Variants in GLI2 observed in about 807,000 individuals in gnomAD.
GLI2 encodes transcription activator GLI2.
In GLI2, 22 loss-of-function variants were observed where a neutral mutation model predicts 78.9. That is an observed-to-expected ratio of 0.28 (90% CI 0.20 to 0.40). GLI2 has a LOEUF of 0.40. Among genes scored for constraint, GLI2 ranks in the 10% least tolerant of loss-of-function variants. The probability of loss-of-function intolerance (pLI) is 1.00; values close to 1 mark genes in which losing one functional copy is unlikely to be tolerated. For missense variants in GLI2, 2,097 were observed against 2,213.2 expected (o/e 0.95, Z 1.05); for synonymous variants, 974 against 963.7 (o/e 1.01, Z -0.20).
chr2:120,743,851 A>C (rs896923081), intron 1 of GLI2, among the ~76,000 whole-genome samples: 2 of 152,228 alleles, frequency 1.3e-5, no homozygotes, highest in African/African-American at 4.8e-5. Flanking sequence ...TCTAAGAGTC[A>C]AGACAGCGGG....
rs572464628 is a variant in GLI2 at position 120,875,709 on chromosome 2, G to A, written c.149-51652G>A. 7.2e-5 allele frequency among the ~76,000 whole-genome samples: 11 copies of A among 152,230 alleles called. No homozygotes were observed. In the South Asian group the frequency reaches 2.3e-3, roughly 32 times the overall value. ...CGGTCAGGCACGATCTAAACCCCAGGAGGATTCTAGTGGAATTCTCTAAGC... is the reference window on the plus strand; with the variant it reads ...CGGTCAGGCACGATCTAAACCCCAGAAGGATTCTAGTGGAATTCTCTAAGC... On this transcript the variant is annotated intron_variant, in intron 2 of 13. Transcript: ENST00000361492.
At chr2:120,791,895 G>A (rs1051101017) in intron 1 of GLI2, among the ~76,000 whole-genome samples, 8 of 152,184 alleles carry the variant, frequency 5.3e-5, no homozygotes, top group South Asian at 2.1e-4. Flanking sequence ...GTTTGTCGGC[G>A]TATGTTCTGT....
chr2:120,785,080 C>T (rs955663416), intron 1 of GLI2, among the ~76,000 whole-genome samples: 12 of 152,174 alleles, frequency 7.9e-5, no homozygotes, highest in African/African-American at 2.9e-4. Context: ...CTCCTTGAGC[C>T]GGCGCATGTC....
At chr2:120,854,447 G>C (rs1385082254) in intron 2 of GLI2, among the ~76,000 whole-genome samples, 1 of 152,196 alleles carries the variant, frequency 6.6e-6, no homozygotes, top group East Asian at 1.9e-4. Context: ...TGCTTCAAGG[G>C]GGGCTGCCCC....
At chr2:120,887,296 G>A (rs1046090904) in intron 2 of GLI2, among the ~76,000 whole-genome samples, 13 of 152,158 alleles carry the variant, frequency 8.5e-5, no homozygotes, top group East Asian at 1.9e-4. Flanking sequence ...CAGCTCAGGC[G>A]ACCTGGGAAT....
chr2:120,742,352 C>T (rs1227340699), intron 1 of GLI2, among the ~76,000 whole-genome samples: 3 of 152,128 alleles, frequency 2.0e-5, no homozygotes, highest in East Asian at 1.9e-4. Flanking sequence ...TCAGCAGACG[C>T]TTAGCAATGC....
chr2:120,835,385 C>T (rs865808747), intron 2 of GLI2, among the ~76,000 whole-genome samples: 50 of 132,378 alleles, frequency 3.8e-4, no homozygotes, highest in African/African-American at 1.4e-3. Flanking sequence ...AGGCACCAGA[C>T]TTTTTTTTTT....
chr2:120,859,814 T>C (rs1484113566), intron 2 of GLI2, among the ~76,000 whole-genome samples: 1 of 149,872 alleles, frequency 6.7e-6, no homozygotes, highest in African/African-American at 2.5e-5. Flanking sequence ...TGGAGCGCAA[T>C]GGCACAATCT....
intron 2 of GLI2, among the ~76,000 whole-genome samples, chr2:120,918,725 GCCA>G (rs1319346382): frequency 6.6e-6 from 1 of 152,230 alleles, no homozygotes; most frequent in Non-Finnish European, 1.5e-5. Flanking sequence ...ACAGGCGTGA[GCCA>G]CTGCGCCCAG....
intron 1 of GLI2, among the ~76,000 whole-genome samples, chr2:120,740,844 A>G (rs1048544937): frequency 2.6e-5 from 4 of 152,216 alleles, no homozygotes; most frequent in African/African-American, 4.8e-5. Flanking sequence ...CGAGGGCCCC[A>G]GGCCTCCTGC....
chr2:120,882,694 G>T (rs1246290256), intron 2 of GLI2, among the ~76,000 whole-genome samples: 5 of 152,158 alleles, frequency 3.3e-5, no homozygotes, highest in African/African-American at 1.2e-4. Context: ...GTCCCCTCTG[G>T]GTCCTGCTGG....
intron 1 of GLI2, among the ~76,000 whole-genome samples, chr2:120,769,172 G>A (rs72835529): frequency 0.024 from 3,588 of 152,290 alleles, 66 homozygotes; most frequent in Non-Finnish European, 0.037. Flanking sequence ...CCCACTTGGT[G>A]CCCAGCCTGG....
At chr2:120,949,051 C>T (rs900606828) in intron 3 of GLI2, among the ~76,000 whole-genome samples, 7 of 152,178 alleles carry the variant, frequency 4.6e-5, no homozygotes, top group Admixed American at 3.9e-4. Flanking sequence ...TGTCTCAGAG[C>T]CTTCTCTTCA....
rs574386590 is a variant in GLI2, at chr2:120,779,425, C to T, written c.-30-17866C>T. Among the ~76,000 whole-genome samples, 10 of 152,312 alleles carry T rather than the reference C, an allele frequency of 6.6e-5. No homozygotes were observed. In the South Asian group the frequency reaches 2.1e-3, roughly 32 times the overall value. Reference sequence around the variant, plus strand: ...GGCCTAACAGGCAACTGAGGACAGGCTTGCAAGGTGCAGGTGTTGAGCATG... The same window carrying T: ...GGCCTAACAGGCAACTGAGGACAGGTTTGCAAGGTGCAGGTGTTGAGCATG... On this transcript the variant is annotated intron_variant, in intron 1 of 13. Transcript: ENST00000361492.
At chr2:120,881,637 GCAAGGAGGGCA>G (rs1677136632) in intron 2 of GLI2, among the ~76,000 whole-genome samples, 1 of 88,286 alleles carries the variant, frequency 1.1e-5, no homozygotes, top group Admixed American at 1.2e-4. Flanking sequence ...GGAGGACAGT[GCAAGGAGGGCA>G]GTTTGGGGGA....
At chr2:120,813,945 G>C (rs1045742648) in intron 2 of GLI2, among the ~76,000 whole-genome samples, 3 of 152,136 alleles carry the variant, frequency 2.0e-5, no homozygotes, top group East Asian at 3.9e-4. Flanking sequence ...TGGAGTTGTA[G>C]GGAAGGGAGT....
At chr2:120,829,850 G>A (rs1686270136) in intron 2 of GLI2, among the ~76,000 whole-genome samples, 1 of 152,194 alleles carries the variant, frequency 6.6e-6, no homozygotes, top group Non-Finnish European at 1.5e-5. Context: ...AGAGGGAAGT[G>A]CAGGGCTGAG....
chr2:120,843,501 C>T (rs1398619110), intron 2 of GLI2, among the ~76,000 whole-genome samples: 5 of 152,128 alleles, frequency 3.3e-5, no homozygotes, highest in African/African-American at 9.7e-5. Context: ...ACTGAGGTGC[C>T]GTTTAAGGAC....
chr2:120,777,249 T>G (rs549141766), intron 1 of GLI2, among the ~76,000 whole-genome samples: 1 of 152,110 alleles, frequency 6.6e-6, no homozygotes, highest in African/African-American at 2.4e-5. Context: ...GCTGTGTCAG[T>G]TCGAGTGTGT....
Sources: gnomAD v4.1 joint callset for allele counts (sites outside exome capture counted in the v4.1 genomes callset) on GRCh38, gnomAD v4.1.1 for gene constraint, MANE v1.5 for transcripts, NCBI Gene and HGNC (gene_info 2026-07-23, HGNC 2026-07-21) for gene names.